Variants in GIMAP8 observed in about 807,000 individuals in gnomAD.
GIMAP8 encodes the protein GTPase IMAP family member 8.
A neutral mutation model predicts 35.6 loss-of-function variants in GIMAP8; 29 were observed. The ratio of observed to expected loss-of-function variants is 0.81; its 90% CI spans 0.61 to 1.11. The LOEUF (loss-of-function observed/expected upper bound fraction) is 1.11. GIMAP8 is among the 50% of genes most tolerant of loss of function. The pLI, the probability that GIMAP8 is intolerant of heterozygous loss-of-function variation, is 0.00. For synonymous variants in GIMAP8, 335 were observed against 308.7 expected (o/e 1.09, Z -0.89); for missense variants, 811 against 805.0 (o/e 1.01, Z -0.09).
chr7:150,459,014 A>G (rs182039900), intron 1 of GIMAP8, among the ~76,000 whole-genome samples: 3 of 152,276 alleles, frequency 2.0e-5, no homozygotes, highest in African/African-American at 7.2e-5. Context: ...TCCCTTTACC[A>G]TCATCAGTGA....
At position 150,474,233 on chromosome 7, in the gene GIMAP8, G is replaced by A. The variant is rs753137678; in HGVS notation, c.904G>A (p.Asp302Asn). The stretch of plus-strand genomic sequence containing the variant: ...GAGAAAAAAGAAAGTTTCGATCATT[G>A]ATGCTCCGGACATCTCATCTTTAAA... ...SWRKKKVSII[D>N]APDISSLKNI... The change falls in exon 4 of 5, where the codon GAT becomes AAT. Residue 302 changes from aspartate (D) to asparagine (N), a missense_variant. Physicochemically the swap from Asp to Asn is conservative, Grantham distance 23 (BLOSUM62 1). Coordinates refer to ENST00000307271, the MANE Select transcript of GIMAP8 (RefSeq NM_175571.4). 1.2e-6 allele frequency: 2 copies of A among 1,614,188 alleles called. No individual in the cohort carries two copies. Among genetic ancestry groups the A allele is most frequent in the South Asian group, 2.2e-5 (2 of 91,074 alleles).
chr7:150,478,958 T>G lies in GIMAP8; in HGVS notation c.*1178T>G, dbSNP rs1460406722. Reference sequence around the variant, plus strand: ...ACAGGGTAAAATGTTGAGCACTTTGTACATGCTTTGAGAGCATAATCTTTG... The same window carrying G: ...ACAGGGTAAAATGTTGAGCACTTTGGACATGCTTTGAGAGCATAATCTTTG... On this transcript the variant is annotated 3_prime_UTR_variant, in exon 5 of 5. Coordinates refer to ENST00000307271, the MANE Select transcript of GIMAP8 (RefSeq NM_175571.4). 1.3e-5 allele frequency: 2 copies of G among 152,242 alleles called. No individual in the cohort carries two copies. The highest frequency in any genetic ancestry group is 4.8e-5 in the African/African-American group (2 of 41,454). The allele number at this position is 152,242 out of a possible 1,614,324, so 9.4% of individuals were successfully genotyped here.
chr7:150,476,981 G>A, intron 4 of GIMAP8, 111 bp from the exon 5 acceptor site: 1 of 822,896 alleles, frequency 1.2e-6, no homozygotes, highest in Non-Finnish European at 2.0e-6. Flanking sequence ...TCTTGATGCT[G>A]TTTGAACATG....
intron 2 of GIMAP8, among the ~76,000 whole-genome samples, chr7:150,468,588 C>A (rs1423715425): frequency 6.6e-6 from 1 of 152,186 alleles, no homozygotes; most frequent in Admixed American, 6.5e-5. Context: ...TACAGATGTA[C>A]AGAATGCATT....
intron 2 of GIMAP8, among the ~76,000 whole-genome samples, chr7:150,468,880 A>G (rs76731933): frequency 1.6e-3 from 243 of 152,292 alleles, no homozygotes; most frequent in African/African-American, 5.7e-3. Context: ...CACATGAGGA[A>G]ACTGAGGCTC....
rs1802170639 is a variant in GIMAP8 at position 150,474,272 on chromosome 7, G to C, written c.943G>C (p.Glu315Gln). Reference protein sequence around the residue: ...DISSLKNIDSEVRKHICTGPH... With the variant: ...DISSLKNIDSQVRKHICTGPH... ...CTCATCTTTAAAGAACATTGACTCA[G>C]AAGTTAGAAAACACATCTGTACAGG... The change falls in exon 4 of 5, where the codon GAA becomes CAA. Residue 315 changes from glutamate (E) to glutamine (Q), a missense_variant. Coordinates refer to ENST00000307271, the MANE Select transcript of GIMAP8 (RefSeq NM_175571.4). 6.2e-7 allele frequency: 1 copy of C among 1,614,138 alleles called. No individual in the cohort carries two copies. Among genetic ancestry groups the C allele is most frequent in the Non-Finnish European group, 8.5e-7 (1 of 1,179,994 alleles).
chr7:150,462,037 T>C (rs1801855684), intron 1 of GIMAP8, among the ~76,000 whole-genome samples: 1 of 152,114 alleles, frequency 6.6e-6, no homozygotes, highest in African/African-American at 2.4e-5. Context: ...CAGTGTTTTG[T>C]GGGCAGGGGG....
chr7:150,465,815 G>A (rs569266873), intron 1 of GIMAP8, among the ~76,000 whole-genome samples: 5 of 152,292 alleles, frequency 3.3e-5, no homozygotes, highest in South Asian at 2.1e-4. Context: ...TACTGAAATC[G>A]TACCACTTTG....
intron 4 of GIMAP8, among the ~76,000 whole-genome samples, chr7:150,476,680 AG>A (rs1241116518): frequency 1.3e-5 from 2 of 152,242 alleles, no homozygotes; most frequent in African/African-American, 4.8e-5. Flanking sequence ...GAGAAGATGT[AG>A]TTGTAACAGG....
rs183254857 is a variant in GIMAP8, at chr7:150,474,722, T to A, written c.1309+84T>A. The A allele has an allele frequency of 5.3e-3, 4,811 of 909,730 alleles. 16 individuals are homozygous for A. The highest frequency in any genetic ancestry group is 9.7e-3 in the African/African-American group (556 of 57,602). The allele number at this position is 909,730 out of a possible 1,614,324, so 56.4% of individuals were successfully genotyped here. On this transcript the variant is annotated intron_variant, in intron 4 of 4. Transcript: ENST00000307271. ...TATATAAGAACTTTTTATTTTCTTT[T>A]TTTTCTTTTTTTTTATTATACTTTA...
At chr7:150,468,121 A>G (rs1045179277) in intron 2 of GIMAP8, among the ~76,000 whole-genome samples, 1 of 152,080 alleles carries the variant, frequency 6.6e-6, no homozygotes, top group Non-Finnish European at 1.5e-5. Flanking sequence ...GGATCAATAT[A>G]CCCAGAATCC....
At position 150,477,650 on chromosome 7, in the gene GIMAP8, A is replaced by G. The variant is rs1455055319; in HGVS notation, c.1868A>G (p.Asp623Gly). 1.2e-6 allele frequency: 2 copies of G among 1,614,238 alleles called. No individual in the cohort carries two copies. Among genetic ancestry groups the G allele is most frequent in the Admixed American group, 1.7e-5 (1 of 60,030 alleles). The change falls in exon 5 of 5, where the codon GAT (aspartate) becomes GGT (glycine). Residue 623 changes from aspartate to glycine, a missense_variant. Transcript: ENST00000307271. ...QVKALLTKVN[D>G]LRKESGWSGY... Reference sequence around the variant, plus strand: ...AAAGCTCTTTTAACAAAGGTCAATGATCTGAGAAAAGAAAGTGGGTGGTCC... The same window carrying G: ...AAAGCTCTTTTAACAAAGGTCAATGGTCTGAGAAAAGAAAGTGGGTGGTCC...
At position 150,467,048 on chromosome 7, in the gene GIMAP8, T is replaced by A; in HGVS notation, c.350T>A (p.Ile117Asn). The A allele has an allele frequency of 6.2e-7, 1 of 1,614,252 alleles. No homozygotes were observed. Among genetic ancestry groups the A allele is most frequent in the Non-Finnish European group, 8.5e-7 (1 of 1,180,044 alleles). ...TREDEETAKG[I>N]QQVFGAEARR... ...GAGGATGAGGAAACAGCCAAGGGCA[T>A]CCAACAAGTGTTTGGAGCTGAAGCC... Residue 117 changes from isoleucine (I) to asparagine (N), a missense_variant, in exon 2 of 5, where the codon ATC becomes AAC. By Grantham distance (149) the Ile-to-Asn change is moderately radical (BLOSUM62 -3). Coordinates refer to ENST00000307271, the MANE Select transcript of GIMAP8 (RefSeq NM_175571.4).
intron 1 of GIMAP8, among the ~76,000 whole-genome samples, chr7:150,459,316 A>G (rs1316837732): frequency 1.3e-5 from 2 of 152,206 alleles, no homozygotes; most frequent in Non-Finnish European, 2.9e-5. Context: ...AGGCATGAGG[A>G]GCCCAAAGTG....
intron 1 of GIMAP8, among the ~76,000 whole-genome samples, chr7:150,457,774 C>A (rs57614330): frequency 6.6e-6 from 1 of 152,130 alleles, no homozygotes; most frequent in African/African-American, 2.4e-5. Context: ...CTGTTTTACC[C>A]CTGTCAGATT....
At chr7:150,458,374 G>A (rs371522753) in intron 1 of GIMAP8, among the ~76,000 whole-genome samples, 1 of 152,274 alleles carries the variant, frequency 6.6e-6, no homozygotes, top group East Asian at 1.9e-4. Context: ...GGGCAGGTAA[G>A]CCTTTTATTC....
chr7:150,476,186 C>T (rs995164476), intron 4 of GIMAP8, among the ~76,000 whole-genome samples: 5 of 152,112 alleles, frequency 3.3e-5, no homozygotes, highest in African/African-American at 1.2e-4. Context: ...AATAATTTCC[C>T]CTTGAAGGAA....
In GIMAP8 at chr7:150,451,058, C is replaced by T. The variant is rs915498800; in HGVS notation, c.-146C>T. ...CTTCCTTTGCAGAAACACCCGAAACCCTCCTGCCAGGAAGACCAGGGCCTG... is the reference window on the plus strand; with the variant it reads ...CTTCCTTTGCAGAAACACCCGAAACTCTCCTGCCAGGAAGACCAGGGCCTG... On this transcript the variant is annotated 5_prime_UTR_variant, in exon 1 of 5. Transcript: ENST00000307271. This position sits in a 1 kb window ranked among gnomAD's most constrained non-coding sequence, Gnocchi z 4.1. 6.6e-6 allele frequency: 1 copy of T among 152,354 alleles called. No individual in the cohort carries two copies. Among genetic ancestry groups the T allele is most frequent in the Admixed American group, 6.5e-5 (1 of 15,286 alleles). 9.4% of individuals were successfully genotyped at this position (152,354 alleles called of 1,614,324 possible). A position where few individuals can be genotyped will look rare whatever the true frequency, so the allele number is the denominator to read the frequency against.
chr7:150,478,677 A>G lies in GIMAP8; in HGVS notation c.*897A>G, dbSNP rs1333460825. ...GAACTCCAATAATAATGGTTTAAAAACATCAGGGGCTTCCTGTATCTCCTG... is the reference window on the plus strand; with the variant it reads ...GAACTCCAATAATAATGGTTTAAAAGCATCAGGGGCTTCCTGTATCTCCTG... On this transcript the variant is annotated 3_prime_UTR_variant, in exon 5 of 5. Transcript: ENST00000307271. The G allele has an allele frequency of 2.6e-5, 4 of 152,172 alleles. No individual in the cohort carries two copies. The highest frequency in any genetic ancestry group is 2.9e-5 in the Non-Finnish European group (2 of 68,038). The allele number at this position is 152,172 out of a possible 1,614,324, so 9.4% of individuals were successfully genotyped here. A position where few individuals can be genotyped will look rare whatever the true frequency, so the allele number is the denominator to read the frequency against.
Sources: allele counts gnomAD v4.1 joint callset (sites outside exome capture counted in the v4.1 genomes callset), GRCh38; gene constraint gnomAD v4.1.1; non-coding constraint Gnocchi (gnomAD v3.1); transcripts MANE v1.5; gene names NCBI Gene and HGNC (gene_info 2026-07-23, HGNC 2026-07-21).